The following SLC66A2 variants were observed in gnomAD, a reference collection of about 807,000 sequenced individuals.
The protein encoded by SLC66A2 is solute carrier family 66 member 2, also known as PQ loop repeat containing 1.
A neutral mutation model predicts 25.5 loss-of-function variants in SLC66A2; 23 were observed. The ratio of observed to expected loss-of-function variants is 0.90; its 90% CI spans 0.65 to 1.28. The LOEUF (loss-of-function observed/expected upper bound fraction) is 1.28, where lower values mean the gene tolerates loss of function less well. Among genes scored for constraint, SLC66A2 ranks in the 50% most tolerant of loss-of-function variants. SLC66A2 has a pLI of 0.00. For synonymous variants in SLC66A2, 193 were observed against 166.5 expected, an observed-to-expected ratio of 1.16 and a Z score of -1.23; for missense variants, 396 against 373.1, an observed-to-expected ratio of 1.06 and a Z score of -0.51.
intron 4 of SLC66A2, among the ~76,000 whole-genome samples, chr18:79,923,303 G>A (rs866535700): frequency 6.7e-6 from 1 of 150,116 alleles, no homozygotes; most frequent in East Asian, 2.0e-4. Context: ...GGTGGGTGGT[G>A]GATGGGTGGA....
chr18:79,911,018 C>T (rs980404504), intron 5 of SLC66A2, among the ~76,000 whole-genome samples: 7 of 152,262 alleles, frequency 4.6e-5, no homozygotes, highest in African/African-American at 1.4e-4. Context: ...CTAAGAGGCT[C>T]ACTGCAGCAC....
intron 4 of SLC66A2, among the ~76,000 whole-genome samples, chr18:79,930,483 C>T (rs777339164): frequency 4.6e-5 from 7 of 152,080 alleles, no homozygotes; most frequent in South Asian, 2.1e-4. Flanking sequence ...AAACATCAGA[C>T]GCAATTCAAA....
intron 3 of SLC66A2, among the ~76,000 whole-genome samples, chr18:79,936,808 G>A (rs556137188): frequency 1.3e-5 from 2 of 152,306 alleles, no homozygotes; most frequent in Admixed American, 6.5e-5. Context: ...CCTGACCTCC[G>A]TTCCCAGCGG....
intron 2 of SLC66A2, among the ~76,000 whole-genome samples, chr18:79,950,068 C>A (rs1255243831): frequency 6.6e-6 from 1 of 152,150 alleles, no homozygotes; most frequent in Non-Finnish European, 1.5e-5. Context: ...GCAGGCCAGG[C>A]GCCGTGGCTC....
At position 79,941,635 on chromosome 18, in the gene SLC66A2, C is replaced by T. The variant is rs1242896855; in HGVS notation, c.337+1694G>A. On this transcript the variant is annotated intron_variant, in intron 3 of 5. Coordinates refer to ENST00000397778, the MANE Select transcript of SLC66A2 (RefSeq NM_025078.5). The surrounding 1 kb of genome is among the most constrained non-coding windows in gnomAD (Gnocchi z 4.1). ...CTCTGAGACAAGCCTGAACCTGCAC[C>T]TGCTGGTAAAATGAATGCAGGTGGG... is the stretch of plus-strand genomic sequence containing the variant. 1 of 152,244 alleles carries T rather than the reference C, an allele frequency of 6.6e-6. No individual in the cohort carries two copies. Among genetic ancestry groups the T allele is most frequent in the Non-Finnish European group, 1.5e-5 (1 of 68,058 alleles). The allele number at this position is 152,244 out of a possible 1,614,324, so 9.4% of individuals were successfully genotyped here.
intron 3 of SLC66A2, among the ~76,000 whole-genome samples, chr18:79,939,766 T>A (rs1227607012): frequency 4.6e-5 from 7 of 151,782 alleles, no homozygotes; most frequent in East Asian, 3.9e-4. Flanking sequence ...AACACTTACA[T>A]ACTGTTGGTG....
intron 2 of SLC66A2, chr18:79,949,828 G>A (rs1387930361): frequency 2.6e-5 from 4 of 152,200 alleles, no homozygotes; most frequent in East Asian, 1.9e-4. Flanking sequence ...CAATCTGCCC[G>A]GACAGAGAGG....
chr18:79,923,228 G>A (rs1268415480), intron 4 of SLC66A2, among the ~76,000 whole-genome samples: 6 of 100,398 alleles, frequency 6.0e-5, no homozygotes, highest in Non-Finnish European at 1.3e-4. Context: ...TGAGGGGGTG[G>A]ATGGGGGGGG....
At chr18:79,942,408 G>A (rs1987755614) in intron 3 of SLC66A2, among the ~76,000 whole-genome samples, 2 of 152,186 alleles carry the variant, frequency 1.3e-5, no homozygotes, top group South Asian at 4.1e-4. Flanking sequence ...CCTCAGTCTA[G>A]AAACAGAAGC....
At chr18:79,930,466 AAAC>A in intron 4 of SLC66A2, among the ~76,000 whole-genome samples, 1 of 152,220 alleles carries the variant, frequency 6.6e-6, no homozygotes. Context: ...TTCATGCTGA[AAAC>A]AAGAAACATC....
At position 79,928,763 on chromosome 18, in the gene SLC66A2, G is replaced by A. The variant is rs1318954517; in HGVS notation, c.391+5206C>T. ...GTGGCGGGCACCCGAGCTCTTCATCGCCTGCTCAGCTCCTGTCTGCCCAGG... is the reference window on the plus strand; with the variant it reads ...GTGGCGGGCACCCGAGCTCTTCATCACCTGCTCAGCTCCTGTCTGCCCAGG... On this transcript the variant is annotated intron_variant, in intron 4 of 5. Coordinates refer to ENST00000397778, the MANE Select transcript of SLC66A2 (RefSeq NM_025078.5). 4.6e-5 allele frequency among the ~76,000 whole-genome samples: 7 copies of A among 151,446 alleles called. No homozygotes were observed. In the South Asian group the frequency reaches 6.3e-4, roughly 14 times the overall value.
intron 2 of SLC66A2, chr18:79,943,682 C>A: frequency 1.9e-6 from 1 of 521,986 alleles, no homozygotes; most frequent in Non-Finnish European, 3.4e-6. Flanking sequence ...GAGGGAGGCC[C>A]ACCCATGCCG....
rs573403581 is a variant in SLC66A2 at position 79,904,325 on chromosome 18, C to T, written c.609-142G>A. On this transcript the variant is annotated intron_variant, in intron 5 of 5. Coordinates refer to ENST00000397778, the MANE Select transcript of SLC66A2 (RefSeq NM_025078.5). The surrounding 1 kb of genome is among the most constrained non-coding windows in gnomAD (Gnocchi z 6.3). ...GCTAAGGGGACCCCCAGGCAGTCGG[C>T]GGGGAGGCCTGGGGCTCAGGGGGCA... The T allele has an allele frequency of 1.4e-5, 10 of 731,052 alleles. No individual in the cohort carries two copies. The highest frequency in any genetic ancestry group is 8.0e-5 in the Admixed American group (3 of 37,378). The allele number at this position is 731,052 out of a possible 1,614,324, so 45.3% of individuals were successfully genotyped here.
chr18:79,906,760 G>C (rs752594885), intron 5 of SLC66A2, among the ~76,000 whole-genome samples: 17 of 152,214 alleles, frequency 1.1e-4, no homozygotes, highest in Non-Finnish European at 2.2e-4. Context: ...AGTTACTGAG[G>C]AAAGCTGGAG....
rs889519850 is a variant in SLC66A2, at chr18:79,904,579, T to A, written c.609-396A>T. Among the ~76,000 whole-genome samples, 1 of 152,020 alleles carries A rather than the reference T, an allele frequency of 6.6e-6. No individual in the cohort carries two copies. Among genetic ancestry groups the A allele is most frequent in the East Asian group, 1.9e-4 (1 of 5,164 alleles). On this transcript the variant is annotated intron_variant, in intron 5 of 5. Coordinates refer to ENST00000397778, the MANE Select transcript of SLC66A2 (RefSeq NM_025078.5). This position sits in a 1 kb window ranked among gnomAD's most constrained non-coding sequence, Gnocchi z 6.3. ...GGCGAGCAGCTGACGTCAGGGCCCC[T>A]GGTGCGCGGTGGCAATTCTGGGAGG...
Position 79,927,622 on chromosome 18 carries a change from G to C in SLC66A2, c.391+6347C>G, listed in dbSNP as rs1202456023. 6.6e-6 allele frequency among the ~76,000 whole-genome samples: 1 copy of C among 152,154 alleles called. No individual in the cohort carries two copies. The highest frequency in any genetic ancestry group is 1.5e-5 in the Non-Finnish European group (1 of 68,022). On this transcript the variant is annotated intron_variant, in intron 4 of 5. Coordinates refer to ENST00000397778, the MANE Select transcript of SLC66A2 (RefSeq NM_025078.5). The surrounding 1 kb of genome is among the most constrained non-coding windows in gnomAD (Gnocchi z 6.2). ...AGCTGGGGCCAGAGGACGACGCAGA[G>C]AGACCCACATCAGAGACCCTCGGGG...
In SLC66A2 at chr18:79,919,332, T is replaced by A. The variant is rs1984693780; in HGVS notation, c.460A>T (p.Thr154Ser). ...SDYVQCVLAF[T>S]GVAGYITYLS... ...TAGGTGATGTAGCCCGCCACGCCCG[T>A]GAAGGCCAGGACGCACTGCACGTAG... is the stretch of plus-strand genomic sequence containing the variant. The change falls in exon 5 of 6, where the codon ACG becomes TCG. Residue 154 changes from threonine (T) to serine (S), a missense_variant. Coordinates refer to ENST00000397778, the MANE Select transcript of SLC66A2 (RefSeq NM_025078.5). The A allele has an allele frequency of 6.2e-7, 1 of 1,613,064 alleles. No individual in the cohort carries two copies. The highest frequency in any genetic ancestry group is 1.3e-5 in the African/African-American group (1 of 74,908).
In SLC66A2 at chr18:79,951,029, C is replaced by G. The variant is rs2051103922; in HGVS notation, c.-99-4G>C. On this transcript the variant is annotated splice_region_variant and splice_polypyrimidine_tract_variant and intron_variant, in intron 1 of 5. Coordinates refer to ENST00000397778, the MANE Select transcript of SLC66A2 (RefSeq NM_025078.5). ...CGCGCTCCTGCGGCCTCGGGGCCTG[C>G]GGGGAGCGGGGAGCTGCTCGAGTTC... 6.3e-6 allele frequency: 5 copies of G among 797,552 alleles called. No individual in the cohort carries two copies. In the South Asian group the frequency reaches 1.7e-4, roughly 26 times the overall value. 49.4% of individuals were successfully genotyped at this position (797,552 alleles called of 1,614,324 possible). A position where few individuals can be genotyped will look rare whatever the true frequency, so the allele number is the denominator to read the frequency against.
chr18:79,913,656 C>G (rs1435634774), intron 5 of SLC66A2, among the ~76,000 whole-genome samples: 1 of 152,232 alleles, frequency 6.6e-6, no homozygotes, highest in Non-Finnish European at 1.5e-5. Context: ...CACGTGTGTG[C>G]AAGTACACGA....
Sources: gnomAD v4.1 joint callset for allele counts (sites outside exome capture counted in the v4.1 genomes callset) on GRCh38, gnomAD v4.1.1 for gene constraint, Gnocchi (gnomAD v3.1) non-coding constraint, MANE v1.5 for transcripts, NCBI Gene and HGNC (gene_info 2026-07-23, HGNC 2026-07-21) for gene names.